Variants in PPP2R2B observed in about 807,000 individuals in gnomAD.
The protein encoded by PPP2R2B is protein phosphatase 2 regulatory subunit Bbeta.
Under a neutral mutation model 46.0 loss-of-function variants are expected in PPP2R2B, and 5 were observed. The ratio of observed to expected loss-of-function variants is 0.11; its 90% CI spans 0.06 to 0.23. The LOEUF is 0.23. Among genes scored for constraint, PPP2R2B ranks in the 10% least tolerant of loss-of-function variants. The pLI is 1.00. For synonymous variants in PPP2R2B, 215 were observed against 206.7 expected, an observed-to-expected ratio of 1.04 and a Z score of -0.34; for missense variants, 367 against 575.0, an observed-to-expected ratio of 0.64 and a Z score of 3.70.
intron 1 of PPP2R2B, among the ~76,000 whole-genome samples, chr5:146,936,471 G>GAAA (rs35203174): frequency 1.2e-5 from 1 of 84,492 alleles, no homozygotes; most frequent in Non-Finnish European, 2.8e-5. Flanking sequence ...AGCAGGAAAA[G>GAAA]AAAAAAAAAA....
chr5:146,663,385 G>C (rs1581820797), intron 5 of PPP2R2B, among the ~76,000 whole-genome samples: 1 of 152,170 alleles, frequency 6.6e-6, no homozygotes. Context: ...ATTTTCAGAA[G>C]GTAATCTGGA....
In PPP2R2B at chr5:146,593,488, A is replaced by G. The variant is rs200287221; in HGVS notation, c.961-426T>C. Reference sequence around the variant, plus strand: ...GACCCAGTGTCAGGTGACAGATTATATAACCAAGTAAATAAATAAGATGTT... The same window carrying G: ...GACCCAGTGTCAGGTGACAGATTATGTAACCAAGTAAATAAATAAGATGTT... On this transcript the variant is annotated intron_variant, in intron 8 of 9. Transcript: ENST00000394411. 3.3e-3 allele frequency among the ~76,000 whole-genome samples: 499 copies of G among 152,390 alleles called. 4 individuals carry two copies. Among genetic ancestry groups the G allele is most frequent in the African/African-American group, 0.012 (480 of 41,596 alleles).
chr5:147,030,141 C>A (rs939664195), intron 1 of PPP2R2B, among the ~76,000 whole-genome samples: 3 of 152,082 alleles, frequency 2.0e-5, no homozygotes, highest in African/African-American at 7.2e-5. Context: ...TGATATATTC[C>A]TCCAGTCACT....
In PPP2R2B at chr5:146,655,528, A is replaced by G. The variant is rs370149910; in HGVS notation, c.448-4804T>C. ...AGTTCCTCAGTGAATTTTCATCGCT[A>G]TCCTATGATTAACTTGGTAGATGTT... On this transcript the variant is annotated intron_variant, in intron 5 of 9. Transcript: ENST00000394411. 1.1e-4 allele frequency among the ~76,000 whole-genome samples: 17 copies of G among 152,292 alleles called. No individual in the cohort carries two copies. In the East Asian group the frequency reaches 1.2e-3, roughly 10 times the overall value.
intron 7 of PPP2R2B, among the ~76,000 whole-genome samples, chr5:146,628,515 T>G (rs1205397285): frequency 6.6e-6 from 1 of 152,204 alleles, no homozygotes; most frequent in Admixed American, 6.5e-5. Context: ...CCCTGGCTCC[T>G]CACCCTGGCC....
At chr5:146,830,529 CTT>C (rs56686117) in intron 2 of PPP2R2B, among the ~76,000 whole-genome samples, 15 of 144,034 alleles carry the variant, frequency 1.0e-4, no homozygotes, top group African/African-American at 3.6e-4. Context: ...TGTATATTGG[CTT>C]TTTTTTTTTT....
At chr5:147,080,943 C>A in intron 2 of PPP2R2B, 4 of 918,890 alleles carry the variant, frequency 4.4e-6, no homozygotes, top group South Asian at 1.7e-5. Flanking sequence ...GCCTAGAATG[C>A]AATTTTGGGG....
At chr5:147,023,434 C>T (rs750254978) in intron 1 of PPP2R2B, among the ~76,000 whole-genome samples, 12 of 151,988 alleles carry the variant, frequency 7.9e-5, no homozygotes, top group Admixed American at 3.9e-4. Flanking sequence ...AATTAAAAAG[C>T]GTAGATTGAC....
intron 1 of PPP2R2B, among the ~76,000 whole-genome samples, chr5:147,001,463 A>T (rs373094486): frequency 6.6e-6 from 1 of 152,188 alleles, no homozygotes. Flanking sequence ...TCCTGAAGTC[A>T]GCAAGACCAC....
At chr5:147,030,497 C>G (rs546206555) in intron 1 of PPP2R2B, among the ~76,000 whole-genome samples, 1 of 151,998 alleles carries the variant, frequency 6.6e-6, no homozygotes, top group East Asian at 1.9e-4. Flanking sequence ...AAATTCAGTT[C>G]TAGAACTAGC....
chr5:146,912,105 G>A (rs1037340542), intron 1 of PPP2R2B, among the ~76,000 whole-genome samples: 7 of 152,080 alleles, frequency 4.6e-5, no homozygotes, highest in South Asian at 2.1e-4. Context: ...CGGGCATGGC[G>A]GCATGTGCCT....
At chr5:146,809,122 G>A (rs752297382) in intron 2 of PPP2R2B, among the ~76,000 whole-genome samples, 5 of 152,060 alleles carry the variant, frequency 3.3e-5, no homozygotes, top group Admixed American at 6.6e-5. Flanking sequence ...GGGGCTTTGG[G>A]GGCAGCTTTC....
chr5:146,912,171 G>A (rs1763207377), intron 1 of PPP2R2B, among the ~76,000 whole-genome samples: 1 of 150,532 alleles, frequency 6.6e-6, no homozygotes, highest in Non-Finnish European at 1.5e-5. Context: ...CCTCGGAGGT[G>A]GAGGTTGCAG....
intron 1 of PPP2R2B, chr5:146,922,722 T>A (rs1763649190): frequency 6.6e-6 from 1 of 152,262 alleles, no homozygotes; most frequent in Non-Finnish European, 1.5e-5. Flanking sequence ...CTCTCAGTTC[T>A]AGAGTAGAAC....
intron 1 of PPP2R2B, among the ~76,000 whole-genome samples, chr5:146,955,301 T>C (rs1751835301): frequency 6.6e-6 from 1 of 152,188 alleles, no homozygotes; most frequent in African/African-American, 2.4e-5. Context: ...CCTACAGATT[T>C]TGTTAAATTA....
chr5:146,896,530 T>C (rs1762649426), intron 1 of PPP2R2B, among the ~76,000 whole-genome samples: 2 of 152,202 alleles, frequency 1.3e-5, no homozygotes, highest in Admixed American at 1.3e-4. Flanking sequence ...ATAATTCCCA[T>C]AATCATTTGA....
At chr5:146,976,260 C>A (rs188162169) in intron 1 of PPP2R2B, among the ~76,000 whole-genome samples, 1 of 151,872 alleles carries the variant, frequency 6.6e-6, no homozygotes, top group Admixed American at 6.6e-5. Flanking sequence ...GCGTCAGCCT[C>A]CCGGGTAGCT....
intron 1 of PPP2R2B, among the ~76,000 whole-genome samples, chr5:147,028,441 T>C (rs1245371310): frequency 1.3e-5 from 2 of 152,186 alleles, no homozygotes; most frequent in Non-Finnish European, 2.9e-5. Context: ...CCTCAGTCAT[T>C]CCCCATTTTA....
intron 2 of PPP2R2B, among the ~76,000 whole-genome samples, chr5:146,877,276 C>T (rs922378755): frequency 2.0e-5 from 3 of 152,134 alleles, no homozygotes; most frequent in African/African-American, 2.4e-5. Context: ...AATTTCACCT[C>T]TTGGCAAAGC....
Sources: gnomAD v4.1 joint callset for allele counts (sites outside exome capture counted in the v4.1 genomes callset) on GRCh38, gnomAD v4.1.1 for gene constraint, MANE v1.5 for transcripts, NCBI Gene and HGNC (gene_info 2026-07-23, HGNC 2026-07-21) for gene names.